Variants in CHN2 observed in about 807,000 individuals in gnomAD.
CHN2 encodes beta-chimaerin.
CHN2 carries 35 observed loss-of-function variants against 56.3 expected under a neutral mutation model. The ratio of observed to expected loss-of-function variants is 0.62; its 90% CI spans 0.47 to 0.82. CHN2 has a LOEUF of 0.82. Among genes scored for constraint, CHN2 ranks in the 40% least tolerant of loss-of-function variants. CHN2 has a pLI of 0.00. For synonymous variants in CHN2, 210 were observed against 212.8 expected, an observed-to-expected ratio of 0.99 and a Z score of 0.12; for missense variants, 491 against 580.5, an observed-to-expected ratio of 0.85 and a Z score of 1.58.
At chr7:29,451,830 G>A (rs1452405812) in intron 6 of CHN2, among the ~76,000 whole-genome samples, 2 of 152,114 alleles carry the variant, frequency 1.3e-5, no homozygotes, top group African/African-American at 4.8e-5. Flanking sequence ...CAAACCCAGA[G>A]CTTGTGTCTT....
At chr7:29,359,130 C>T (rs1264706220) in intron 2 of CHN2, among the ~76,000 whole-genome samples, 2 of 152,154 alleles carry the variant, frequency 1.3e-5, no homozygotes, top group African/African-American at 4.8e-5. Flanking sequence ...CTGGGTTACC[C>T]ATTCCTGACT....
At chr7:29,363,465 A>G (rs373837001) in intron 2 of CHN2, among the ~76,000 whole-genome samples, 6 of 152,178 alleles carry the variant, frequency 3.9e-5, no homozygotes, top group East Asian at 3.9e-4. Context: ...AGCCTGGGCA[A>G]CAGAGCAAGC....
intron 1 of CHN2, among the ~76,000 whole-genome samples, chr7:29,267,886 A>C (rs1338739778): frequency 6.6e-6 from 1 of 152,220 alleles, no homozygotes; most frequent in Non-Finnish European, 1.5e-5. Context: ...TAGAGCAGCC[A>C]AATCAGCTTC....
chr7:29,466,323 G>A (rs1042876326), intron 6 of CHN2, among the ~76,000 whole-genome samples: 1 of 152,192 alleles, frequency 6.6e-6, no homozygotes, highest in African/African-American at 2.4e-5. Context: ...TCTGGGTGTA[G>A]ATAAATTTAT....
chr7:29,453,062 G>A (rs997422991), intron 6 of CHN2, among the ~76,000 whole-genome samples: 5 of 152,212 alleles, frequency 3.3e-5, no homozygotes, highest in African/African-American at 1.2e-4. Flanking sequence ...TGATTCTTCA[G>A]CTTTTTGGGG....
chr7:29,468,136 A>ACCCCCCC (rs761559871), intron 6 of CHN2, among the ~76,000 whole-genome samples: 2 of 36,102 alleles, frequency 5.5e-5, no homozygotes, highest in African/African-American at 1.0e-4. Flanking sequence ...AACCAAACGG[A>ACCCCCCC]CCCGCCCCCC....
chr7:29,459,115 T>C (rs990429141), intron 6 of CHN2, among the ~76,000 whole-genome samples: 54 of 152,226 alleles, frequency 3.5e-4, no homozygotes, highest in African/African-American at 1.2e-3. Context: ...TATTCTGTGC[T>C]ATGCAGTACA....
intron 6 of CHN2, among the ~76,000 whole-genome samples, chr7:29,433,832 C>T (rs1006659240): frequency 2.1e-5 from 3 of 139,884 alleles, no homozygotes; most frequent in East Asian, 2.1e-4. Context: ...GAGAAAGACT[C>T]CATCTAAACA....
chr7:29,382,739 T>TC (rs56889450), intron 3 of CHN2, among the ~76,000 whole-genome samples: 20,125 of 152,142 alleles, frequency 0.13, 2,027 homozygotes, highest in African/African-American at 0.28. Context: ...GCAGGAGACT[T>TC]CCCCAGGATG....
In CHN2 at chr7:29,494,646, G is replaced by T. The variant is rs192338496; in HGVS notation, c.655-1306G>T. On this transcript the variant is annotated intron_variant, in intron 7 of 12. Coordinates refer to ENST00000222792, the MANE Select transcript of CHN2 (RefSeq NM_004067.4). ...CAAAGCAGGAACTATATAATAGGCA[G>T]TTTGCATATGATAAACTGAAATACC... is the stretch of plus-strand genomic sequence containing the variant. Among the ~76,000 whole-genome samples the T allele has an allele frequency of 2.1e-3, 316 of 152,228 alleles. 2 individuals are homozygous for T. Among genetic ancestry groups the T allele is most frequent in the African/African-American group, 7.3e-3 (302 of 41,550 alleles).
At chr7:29,473,850 G>A (rs555555024) in intron 6 of CHN2, among the ~76,000 whole-genome samples, 1 of 152,130 alleles carries the variant, frequency 6.6e-6, no homozygotes, top group East Asian at 1.9e-4. Context: ...GGAGGGATTA[G>A]ACAATCTCAA....
intron 1 of CHN2, among the ~76,000 whole-genome samples, chr7:29,204,766 G>A (rs1172886803): frequency 6.6e-6 from 1 of 152,138 alleles, no homozygotes; most frequent in Non-Finnish European, 1.5e-5. Context: ...GAGAGCCCGA[G>A]TCCTATGCTT....
At chr7:29,303,015 G>A (rs1562902989) in intron 1 of CHN2, among the ~76,000 whole-genome samples, 1 of 152,096 alleles carries the variant, frequency 6.6e-6, no homozygotes, top group Non-Finnish European at 1.5e-5. Context: ...ACAGATCCCG[G>A]TCCCGCCCAT....
At chr7:29,182,992 T>C (rs952700269) in intron 2 of CHN2, among the ~76,000 whole-genome samples, 8 of 152,084 alleles carry the variant, frequency 5.3e-5, no homozygotes, top group African/African-American at 1.4e-4. Context: ...AAAGAAGGGA[T>C]ATATGAAAAC....
At chr7:29,252,578 GTTTTTTTTTTTTTT>G (rs545289689) in intron 1 of CHN2, among the ~76,000 whole-genome samples, 6 of 19,488 alleles carry the variant, frequency 3.1e-4, no homozygotes, top group African/African-American at 9.2e-4. Flanking sequence ...TGCATTCTTT[GTTTTTTTTTTTTTT>G]TTTTTTTTTT....
intron 2 of CHN2, 78 bp downstream of exon 2, chr7:29,354,741 G>A: frequency 7.7e-7 from 1 of 1,295,760 alleles, no homozygotes; most frequent in South Asian, 1.2e-5. Context: ...CAGCGATGTA[G>A]TGCACACAAG....
At chr7:29,504,610 T>C (rs770842246) in intron 9 of CHN2, 134 bp from the exon 10 acceptor site, 1 of 599,550 alleles carries the variant, frequency 1.7e-6, no homozygotes, top group Non-Finnish European at 2.9e-6. Context: ...GATGCAACAG[T>C]GTGTGATAAA....
At chr7:29,212,310 G>A in intron 1 of CHN2, 1 of 1,255,640 alleles carries the variant, frequency 8.0e-7, no homozygotes, top group Non-Finnish European at 1.2e-6. Flanking sequence ...CATGAGTGTG[G>A]ATCTGGCTTG....
chr7:29,252,578 G>GTTTTTTTTGTTTTTTTTTTTT (rs1788667379), intron 1 of CHN2, among the ~76,000 whole-genome samples: 1 of 19,488 alleles, frequency 5.1e-5, no homozygotes, highest in African/African-American at 3.1e-4. Context: ...TGCATTCTTT[G>GTTTTTTTTGTTTTTTTTTTTT]TTTTTTTTTT....
Sources: gnomAD v4.1 joint callset for allele counts (sites outside exome capture counted in the v4.1 genomes callset) on GRCh38, gnomAD v4.1.1 for gene constraint, MANE v1.5 for transcripts, NCBI Gene and HGNC (gene_info 2026-07-23, HGNC 2026-07-21) for gene names.